Variants in SHANK2 observed in about 807,000 individuals in gnomAD.
SHANK2 encodes SH3 and multiple ankyrin repeat domains protein 2.
In SHANK2, 43 loss-of-function variants were observed where a neutral mutation model predicts 133.7. The observed-to-expected ratio is 0.32, with a 90% CI of 0.25 to 0.41. SHANK2 has a LOEUF of 0.41. Among genes scored for constraint, SHANK2 ranks in the 10% least tolerant of loss-of-function variants. SHANK2 has a pLI of 1.00. For missense variants in SHANK2, 1,994 were observed against 2,235.8 expected (o/e 0.89, Z 2.18); for synonymous variants, 1,017 against 952.8 (o/e 1.07, Z -1.24).
At chr11:71,103,942 C>T (rs1290493503) in intron 6 of SHANK2, among the ~76,000 whole-genome samples, 1 of 148,990 alleles carries the variant, frequency 6.7e-6, no homozygotes, top group Non-Finnish European at 1.5e-5. Flanking sequence ...TCTCTCTCTC[C>T]CTTGCTTTTG....
chr11:70,940,403 C>T (rs1338530621), intron 10 of SHANK2, among the ~76,000 whole-genome samples: 12 of 151,746 alleles, frequency 7.9e-5, no homozygotes, highest in East Asian at 1.9e-4. Flanking sequence ...CATGCCACCA[C>T]GCCCAGCTAA....
intron 2 of SHANK2, among the ~76,000 whole-genome samples, chr11:71,210,179 C>A (rs1954225776): frequency 7.5e-6 from 1 of 134,068 alleles, no homozygotes; most frequent in South Asian, 2.4e-4. Flanking sequence ...TCAGCCCTTG[C>A]CACCTGGTCC....
chr11:70,786,624 C>T (rs1215187889), intron 14 of SHANK2, among the ~76,000 whole-genome samples: 1 of 152,072 alleles, frequency 6.6e-6, no homozygotes, highest in Non-Finnish European at 1.5e-5. Flanking sequence ...TTCTCAAGGG[C>T]ACCAAGTGTG....
At chr11:71,240,217 G>A (rs1291985155) in intron 1 of SHANK2, among the ~76,000 whole-genome samples, 4 of 152,086 alleles carry the variant, frequency 2.6e-5, no homozygotes, top group African/African-American at 4.8e-5. Flanking sequence ...ACCCAGACAC[G>A]GTGTATCTTC....
At position 70,492,347 on chromosome 11, in the gene SHANK2, G is replaced by T; in HGVS notation, c.2427C>A (p.Gly809=). The part of the protein sequence containing the change: ...QRPSSRCFPA[G]SDMNSVYERQ... Reference sequence around the variant, plus strand: ...TACGGCCACTCACGTTCATGTCTGAGCCCGCCGGGAAGCACCGGCTGCTGG... The same window carrying T: ...TACGGCCACTCACGTTCATGTCTGATCCCGCCGGGAAGCACCGGCTGCTGG... The change falls in exon 22 of 26, where the codon GGC becomes GGA. Residue 809 remains glycine (G), a synonymous_variant. Coordinates refer to ENST00000601538, the MANE Select transcript of SHANK2 (RefSeq NM_012309.5). The T allele has an allele frequency of 6.2e-7, 1 of 1,611,676 alleles. No individual in the cohort carries two copies.
intron 11 of SHANK2, among the ~76,000 whole-genome samples, chr11:70,877,008 C>A (rs782202928): frequency 1.3e-5 from 2 of 152,252 alleles, no homozygotes; most frequent in African/African-American, 4.8e-5. Context: ...AGCTGGAACA[C>A]ACACATGGCC....
intron 17 of SHANK2, among the ~76,000 whole-genome samples, chr11:70,657,101 T>C (rs2061414589): frequency 6.6e-6 from 1 of 152,200 alleles, no homozygotes; most frequent in African/African-American, 2.4e-5. Flanking sequence ...CATGCATTTT[T>C]AAAGAGAAAA....
chr11:71,063,882 G>T (rs887523200), intron 9 of SHANK2, among the ~76,000 whole-genome samples: 3 of 152,108 alleles, frequency 2.0e-5, no homozygotes, highest in Non-Finnish European at 4.4e-5. Context: ...CGTTCCTGGG[G>T]CTCGCACTGT....
At chr11:71,186,880 A>G (rs1208158342) in intron 2 of SHANK2, among the ~76,000 whole-genome samples, 3 of 152,204 alleles carry the variant, frequency 2.0e-5, no homozygotes, top group African/African-American at 7.2e-5. Flanking sequence ...GCCTCACCTC[A>G]CCATCCAGAA....
Position 71,092,531 on chromosome 11 carries a change from A to G in SHANK2, c.803T>C (p.Leu268Pro). The G allele has an allele frequency of 6.4e-7, 1 of 1,551,894 alleles. No individual in the cohort carries two copies. Among genetic ancestry groups the G allele is most frequent in the Non-Finnish European group, 8.7e-7 (1 of 1,147,028 alleles). The stretch of plus-strand genomic sequence containing the variant: ...ACCTCCGACGATGGCTGTGTGATAC[A>G]GCGGGGTGAGGCCGTAACTGTCTTT... ...DYKDSYGLTP[L>P]YHTAIVGGDP... Residue 268 changes from leucine to proline, a missense_variant, in exon 8 of 26, where the codon CTG becomes CCG. By Grantham distance (98) the Leu-to-Pro change is moderately conservative. Transcript: ENST00000601538.
At chr11:70,594,078 G>A (rs1472759191) in intron 17 of SHANK2, among the ~76,000 whole-genome samples, 2 of 152,282 alleles carry the variant, frequency 1.3e-5, no homozygotes, top group Non-Finnish European at 2.9e-5. Context: ...TGCCCGATTC[G>A]TAAATCGCTG....
chr11:70,776,015 T>A (rs1340843796), intron 14 of SHANK2, among the ~76,000 whole-genome samples: 2 of 152,226 alleles, frequency 1.3e-5, no homozygotes, highest in African/African-American at 4.8e-5. Flanking sequence ...TTGGCCTCCA[T>A]CTTTGCCCCA....
rs1951412592 is a variant in SHANK2, at chr11:71,086,263, TATTA to T, written c.912+6155_912+6158del. Among the ~76,000 whole-genome samples the T allele has an allele frequency of 1.2e-3, 45 of 38,458 alleles. 1 individual carries two copies. The highest frequency in any genetic ancestry group is 3.3e-3 in the Admixed American group (7 of 2,152). The allele number at this position is 38,458 out of a possible 152,430, so 25.2% of individuals were successfully genotyped here. A position where few individuals can be genotyped will look rare whatever the true frequency, so the allele number is the denominator to read the frequency against. On this transcript the variant is annotated intron_variant, in intron 8 of 25. Coordinates refer to ENST00000601538, the MANE Select transcript of SHANK2 (RefSeq NM_012309.5). ...AATATATTATGTTATATATGTTATATATTATATATGTTATATTATATATGTTATA... is the reference window on the plus strand; with the variant it reads ...AATATATTATGTTATATATGTTATATTATATGTTATATTATATATGTTATA...
intron 10 of SHANK2, among the ~76,000 whole-genome samples, chr11:70,902,586 T>C (rs915583979): frequency 6.6e-6 from 1 of 152,256 alleles, no homozygotes; most frequent in Non-Finnish European, 1.5e-5. Context: ...ATTGACATCC[T>C]GCATTTGAAG....
chr11:71,124,606 A>G (rs1952147734), intron 3 of SHANK2, among the ~76,000 whole-genome samples: 1 of 152,100 alleles, frequency 6.6e-6, no homozygotes, highest in Non-Finnish European at 1.5e-5. Context: ...CAGAGACTCC[A>G]AGTAACTACC....
chr11:70,783,060 G>A (rs1356098248), intron 14 of SHANK2, among the ~76,000 whole-genome samples: 3 of 152,150 alleles, frequency 2.0e-5, no homozygotes, highest in Non-Finnish European at 4.4e-5. Flanking sequence ...GCTCTTCTCT[G>A]TCTCTGTCTT....
intron 11 of SHANK2, among the ~76,000 whole-genome samples, chr11:70,890,466 C>A (rs1949821635): frequency 6.6e-6 from 1 of 150,742 alleles, no homozygotes; most frequent in African/African-American, 2.5e-5. Context: ...TGGTGAAACC[C>A]TGTCTCTACT....
At chr11:70,641,293 C>T (rs1304905967) in intron 17 of SHANK2, among the ~76,000 whole-genome samples, 1 of 152,080 alleles carries the variant, frequency 6.6e-6, no homozygotes, top group Non-Finnish European at 1.5e-5. Flanking sequence ...TGGGGTTTCA[C>T]CGTGGTAGCC....
chr11:70,930,857 G>A (rs1459414201), intron 10 of SHANK2, among the ~76,000 whole-genome samples: 1 of 150,136 alleles, frequency 6.7e-6, no homozygotes, highest in East Asian at 2.0e-4. Flanking sequence ...TTTAGAGATG[G>A]GGTCTCACTA....
Sources: allele counts gnomAD v4.1 joint callset (sites outside exome capture counted in the v4.1 genomes callset), GRCh38; gene constraint gnomAD v4.1.1; transcripts MANE v1.5; gene names NCBI Gene and HGNC (gene_info 2026-07-23, HGNC 2026-07-21).